The following ADGRE2 variants were observed in gnomAD, a reference collection of about 807,000 sequenced individuals.
ADGRE2 encodes the protein CD97 antigen.
In ADGRE2, 83 loss-of-function variants were observed where a neutral mutation model predicts 100.8. That is an observed-to-expected ratio of 0.82 (90% CI 0.69 to 0.99). The LOEUF (loss-of-function observed/expected upper bound fraction) is 0.99. ADGRE2 is among the 50% of genes least tolerant of loss of function. The pLI, the probability that ADGRE2 is intolerant of heterozygous loss-of-function variation, is 0.00. For missense variants in ADGRE2, 814 were observed against 1,035.7 expected (o/e 0.79, Z 2.94); for synonymous variants, 355 against 413.0 (o/e 0.86, Z 1.70).
chr19:14,754,083 A>ATTATCTATCT, intron 14 of ADGRE2, among the ~76,000 whole-genome samples: 1 of 150,008 alleles, frequency 6.7e-6, no homozygotes, highest in South Asian at 2.1e-4. Flanking sequence ...GCAGGCAGAA[A>ATTATCTATCT]AATGTGAAAA....
chr19:14,746,870 G>A (rs1228920221), intron 17 of ADGRE2, 26 bp downstream of exon 17: 16 of 1,607,042 alleles, frequency 1.0e-5, no homozygotes, highest in African/African-American at 2.7e-5. Context: ...GCGGGGCAGC[G>A]AGGATGCTCA....
chr19:14,732,365 T>C, downstream of ADGRE2: 1 of 152,234 alleles, frequency 6.6e-6, no homozygotes, highest in South Asian at 2.1e-4. Flanking sequence ...AGGGTAAGCA[T>C]ACTTTTATGC....
chr19:14,774,329 G>C (rs1475340808), intron 2 of ADGRE2, 23 bp from the exon 3 acceptor site: 1 of 1,486,582 alleles, frequency 6.7e-7, no homozygotes, highest in Non-Finnish European at 9.0e-7. Flanking sequence ...AAGGAAAGGG[G>C]GTCAGAGGGG....
chr19:14,747,324 G>T (rs1418034945), intron 16 of ADGRE2, among the ~76,000 whole-genome samples: 1 of 151,994 alleles, frequency 6.6e-6, no homozygotes, highest in Admixed American at 6.6e-5. Flanking sequence ...AACATAGCAA[G>T]ACCCCATTTC....
intron 11 of ADGRE2, among the ~76,000 whole-genome samples, chr19:14,759,292 T>A (rs940545112): frequency 6.6e-6 from 1 of 151,972 alleles, no homozygotes; most frequent in Non-Finnish European, 1.5e-5. Flanking sequence ...TGTCTGCAGC[T>A]CGAATTTTCA....
intron 11 of ADGRE2, among the ~76,000 whole-genome samples, chr19:14,760,360 G>T (rs1281072837): frequency 6.6e-6 from 1 of 152,128 alleles, no homozygotes; most frequent in African/African-American, 2.4e-5. Flanking sequence ...ATTAAAAACA[G>T]AACAAAAGAA....
chr19:14,763,735 C>T, intron 11 of ADGRE2, among the ~76,000 whole-genome samples: 1 of 126,192 alleles, frequency 7.9e-6, no homozygotes, highest in Non-Finnish European at 1.7e-5. Context: ...CTCCTCTCCT[C>T]CTCCATTCCT....
chr19:14,766,783 C>T (rs1467296132), intron 6 of ADGRE2, among the ~76,000 whole-genome samples, 195 bp downstream of exon 6: 1 of 152,226 alleles, frequency 6.6e-6, no homozygotes, highest in Non-Finnish European at 1.5e-5. Flanking sequence ...ACTCCAAGCC[C>T]TGAAGGCCCT....
chr19:14,745,527 C>T (rs764582756), intron 18 of ADGRE2, among the ~76,000 whole-genome samples: 24 of 152,160 alleles, frequency 1.6e-4, no homozygotes, highest in Non-Finnish European at 3.2e-4. Context: ...GTATGTTGTA[C>T]CCATTAACCA....
chr19:14,755,747 G>A lies in ADGRE2; in HGVS notation c.1323C>T (p.Ser441=). The A allele has an allele frequency of 6.2e-7, 1 of 1,614,190 alleles. No individual in the cohort carries two copies. Among genetic ancestry groups the A allele is most frequent in the Non-Finnish European group, 8.5e-7 (1 of 1,180,026 alleles). ...ETHQGLLQDG[S]PILLSDVISA... ...AGATCACATCTGAGAGCAGGATGGG[G>A]GAGCCGTCCTGCAGCAAGCCCTGGT... is the stretch of plus-strand genomic sequence containing the variant. The change falls in exon 13 of 21, where the codon TCC becomes TCT. Residue 441 remains serine, a synonymous_variant. Transcript: ENST00000315576.
At chr19:14,765,217 A>C in intron 10 of ADGRE2, 103 bp downstream of exon 10, 2 of 1,198,354 alleles carry the variant, frequency 1.7e-6, no homozygotes, top group South Asian at 2.5e-5. Context: ...ACCAGCACCC[A>C]CTGCATTGGG....
chr19:14,729,978 G>T (rs762259845), downstream of ADGRE2, among the ~76,000 whole-genome samples: 3 of 152,114 alleles, frequency 2.0e-5, no homozygotes, highest in Non-Finnish European at 2.9e-5. Flanking sequence ...TGTCTTGAGA[G>T]AAAGATTTTG....
Position 14,755,109 on chromosome 19 carries a change from T to A in ADGRE2, c.1435A>T (p.Lys479Ter), listed in dbSNP as rs112007450. 3.2e-5 allele frequency: 52 copies of A among 1,613,914 alleles called. No individual in the cohort carries two copies. Among genetic ancestry groups the A allele is most frequent in the Middle Eastern group, 1.7e-4 (1 of 6,038 alleles). Residue 479 changes from lysine to a stop codon, truncating the protein, a stop_gained, in exon 14 of 21, where the codon AAG becomes TAG. Coordinates refer to ENST00000315576, the MANE Select transcript of ADGRE2 (RefSeq NM_013447.4). LOFTEE classifies it high-confidence loss of function. ...TGCTCCCAGAAGACACAGAGCACCT[T>A]CTGTCTCGGGATCACTGACTGCAGG... ...FSHRSVIPRQ[K>*]VLCVFWEHGQ...
At chr19:14,739,970 G>A (rs549770299) in intron 20 of ADGRE2, among the ~76,000 whole-genome samples, 129 of 151,842 alleles carry the variant, frequency 8.5e-4, no homozygotes, top group Non-Finnish European at 1.4e-3. Flanking sequence ...GCGTGGTGGC[G>A]GGTGCCTGTA....
At position 14,752,391 on chromosome 19, in the gene ADGRE2, A is replaced by G. The variant is rs760766279; in HGVS notation, c.1726T>C (p.Ser576Pro). 3 of 1,614,196 alleles carry G rather than the reference A, an allele frequency of 1.9e-6. No individual in the cohort carries two copies. The South Asian group carries it at 3.3e-5, about 18-fold the overall frequency. The change falls in exon 15 of 21, where the codon TCG becomes CCG. Residue 576 changes from serine to proline, a missense_variant. Transcript: ENST00000315576. ...AGGTGGGCCAGGAAGAGGCAGAGCG[A>G]GAGCTGCAGATGCAGTGAGGTGCTG... The part of the protein sequence containing the change: ...NTSTSLHLQL[S>P]LCLFLAHLLF...
chr19:14,731,305 C>A, downstream of ADGRE2: 2 of 1,027,794 alleles, frequency 1.9e-6, no homozygotes, highest in South Asian at 1.4e-5. Context: ...GATTCTGAAG[C>A]TTGCAGGTCA....
Position 14,764,616 on chromosome 19 carries a change from G to A in ADGRE2, c.907-6C>T, listed in dbSNP as rs1247499140. The A allele has an allele frequency of 3.7e-6, 6 of 1,609,362 alleles. No individual in the cohort carries two copies. Among genetic ancestry groups the A allele is most frequent in the Admixed American group, 1.7e-5 (1 of 59,648 alleles). On this transcript the variant is annotated splice_region_variant and splice_polypyrimidine_tract_variant and intron_variant, in intron 10 of 20. Transcript: ENST00000315576. ...TCCAGCGCCTGTAAGATGCTCTGGA[G>A]GGATGTGGACACAGACCTAGTGAGC...
chr19:14,739,645 C>A (rs754834298), intron 20 of ADGRE2, among the ~76,000 whole-genome samples: 24 of 152,136 alleles, frequency 1.6e-4, no homozygotes, highest in Non-Finnish European at 2.9e-5. Flanking sequence ...GTTCACATCC[C>A]TAATCCCCAG....
intron 1 of ADGRE2, 76 bp from the exon 2 acceptor site, chr19:14,777,003 CACA>C: frequency 1.5e-6 from 2 of 1,373,606 alleles, no homozygotes; most frequent in Non-Finnish European, 9.4e-7. Context: ...CACACACACA[CACA>C]CACACACACG....
Sources: gnomAD v4.1 joint callset for allele counts (sites outside exome capture counted in the v4.1 genomes callset) on GRCh38, gnomAD v4.1.1 for gene constraint, MANE v1.5 for transcripts, NCBI Gene and HGNC (gene_info 2026-07-23, HGNC 2026-07-21) for gene names.